Variants in PRKD1 observed in about 807,000 individuals in gnomAD.
PRKD1 encodes serine/threonine-protein kinase D1.
A neutral mutation model predicts 95.9 loss-of-function variants in PRKD1; 63 were observed. The observed-to-expected ratio is 0.66, with a 90% CI of 0.54 to 0.81. PRKD1 has a LOEUF of 0.81. Ranked by LOEUF, PRKD1 falls within the 30% of genes least tolerant of loss-of-function variation. The pLI is 0.00. For missense variants in PRKD1, 1,048 were observed against 1,165.3 expected, an observed-to-expected ratio of 0.90 and a Z score of 1.47; for synonymous variants, 425 against 423.1, an observed-to-expected ratio of 1.00 and a Z score of -0.05.
intron 1 of PRKD1, among the ~76,000 whole-genome samples, chr14:29,732,918 T>G (rs535426167): frequency 6.6e-6 from 1 of 151,656 alleles, no homozygotes; most frequent in East Asian, 1.9e-4. Context: ...GAAGTGTTTT[T>G]TTTTTTTTTC....
chr14:29,795,858 T>A (rs1334076074), intron 1 of PRKD1, among the ~76,000 whole-genome samples: 1 of 152,174 alleles, frequency 6.6e-6, no homozygotes, highest in East Asian at 1.9e-4. Flanking sequence ...GTTTAAGCAG[T>A]GCAGTTGACT....
At chr14:29,618,994 C>A (rs945085984) in intron 13 of PRKD1, among the ~76,000 whole-genome samples, 12 of 152,150 alleles carry the variant, frequency 7.9e-5, no homozygotes, top group Admixed American at 6.5e-4. Flanking sequence ...AGGGGGAGGG[C>A]AAAACTTGTT....
At chr14:29,877,418 T>C (rs1893340851) in intron 1 of PRKD1, among the ~76,000 whole-genome samples, 1 of 152,226 alleles carries the variant, frequency 6.6e-6, no homozygotes, top group Non-Finnish European at 1.5e-5. Context: ...ACTTTGCAAA[T>C]ATTCTCTCAT....
chr14:29,679,673 A>G (rs1311670470), intron 2 of PRKD1, among the ~76,000 whole-genome samples: 1 of 152,140 alleles, frequency 6.6e-6, no homozygotes, highest in Non-Finnish European at 1.5e-5. Flanking sequence ...AGGCAAAGAA[A>G]AGGGAGGGTA....
chr14:29,869,998 A>G (rs1158102453), intron 1 of PRKD1, among the ~76,000 whole-genome samples: 2 of 152,182 alleles, frequency 1.3e-5, no homozygotes, highest in East Asian at 1.9e-4. Flanking sequence ...CTCCTTCAAT[A>G]TGGTTAACTT....
At chr14:29,655,284 T>C (rs1301356192) in intron 4 of PRKD1, among the ~76,000 whole-genome samples, 1 of 152,178 alleles carries the variant, frequency 6.6e-6, no homozygotes, top group Non-Finnish European at 1.5e-5. Flanking sequence ...GTAGGACACT[T>C]TTTGAGTAAG....
intron 1 of PRKD1, among the ~76,000 whole-genome samples, chr14:29,746,531 T>TATAC (rs1887228479): frequency 6.7e-6 from 1 of 149,362 alleles, no homozygotes; most frequent in African/African-American, 2.5e-5. Context: ...TGTACATATA[T>TATAC]ACACACACAC....
chr14:29,899,440 A>G (rs544296861), intron 1 of PRKD1, among the ~76,000 whole-genome samples: 1 of 152,146 alleles, frequency 6.6e-6, no homozygotes, highest in African/African-American at 2.4e-5. Context: ...TAAGGCCCGG[A>G]GTTCAAGAAC....
intron 10 of PRKD1, 31 bp from the exon 11 acceptor site, chr14:29,629,124 A>G: frequency 6.3e-7 from 1 of 1,579,016 alleles, no homozygotes; most frequent in African/African-American, 1.4e-5. Flanking sequence ...ATATGCACAC[A>G]AAAAGTCAGT....
chr14:29,619,665 G>T (rs1195409636), intron 13 of PRKD1, among the ~76,000 whole-genome samples: 3 of 152,082 alleles, frequency 2.0e-5, no homozygotes, highest in Non-Finnish European at 4.4e-5. Context: ...ATGGAGAAGG[G>T]GGTTTGGACT....
chr14:29,914,235 T>C (rs181828693), intron 1 of PRKD1, among the ~76,000 whole-genome samples: 4 of 152,300 alleles, frequency 2.6e-5, no homozygotes, highest in Non-Finnish European at 2.9e-5. Context: ...ACAGACAATG[T>C]GAAAGGATGC....
intron 1 of PRKD1, among the ~76,000 whole-genome samples, chr14:29,809,263 C>A (rs1112596): frequency 0.24 from 36,396 of 152,146 alleles, 4,712 homozygotes; most frequent in African/African-American, 0.32. Flanking sequence ...ATTTAGCATA[C>A]ATCTTAAAGG....
intron 1 of PRKD1, among the ~76,000 whole-genome samples, chr14:29,886,616 A>G (rs1893715020): frequency 6.6e-6 from 1 of 152,250 alleles, no homozygotes; most frequent in Admixed American, 6.5e-5. Context: ...GTACTCAGCC[A>G]TGCAATGAAA....
chr14:29,676,067 A>G (rs933556021), intron 2 of PRKD1, among the ~76,000 whole-genome samples: 1 of 151,864 alleles, frequency 6.6e-6, no homozygotes, highest in African/African-American at 2.4e-5. Context: ...AACATGGCAT[A>G]TGTAACAAAC....
chr14:29,769,881 A>G (rs1888426245), intron 1 of PRKD1, among the ~76,000 whole-genome samples: 1 of 152,234 alleles, frequency 6.6e-6, no homozygotes, highest in Non-Finnish European at 1.5e-5. Context: ...TATACCTGCT[A>G]TGATCTAAAC....
At chr14:29,843,767 T>A (rs897835905) in intron 1 of PRKD1, among the ~76,000 whole-genome samples, 4 of 152,122 alleles carry the variant, frequency 2.6e-5, no homozygotes, top group Admixed American at 1.3e-4. Flanking sequence ...GACCTAATAA[T>A]AAATAAATGA....
chr14:29,724,814 TAAAA>T (rs917636801), intron 2 of PRKD1, among the ~76,000 whole-genome samples: 1 of 152,222 alleles, frequency 6.6e-6, no homozygotes, highest in Admixed American at 6.5e-5. Flanking sequence ...AAATAAACAA[TAAAA>T]ATTTGGATAC....
At chr14:29,772,475 G>A (rs896849375) in intron 1 of PRKD1, among the ~76,000 whole-genome samples, 3 of 152,154 alleles carry the variant, frequency 2.0e-5, no homozygotes, top group Non-Finnish European at 2.9e-5. Flanking sequence ...CAGTCACCCA[G>A]TCAAAGGTAT....
At position 29,927,438 on chromosome 14, in the gene PRKD1, G is replaced by C. The variant is rs1398351435; in HGVS notation, c.75C>G (p.Ala25=). The change falls in exon 1 of 18, where the codon GCC becomes GCG. Residue 25 remains alanine, a synonymous_variant. Transcript: ENST00000331968. ...CGGGCCCGGACCCTGGGACCAGTGC[G>C]GCGGCCGCTGCGGCAGCTGCCGCCG... The part of the protein sequence containing the change: ...PVAAAAAAAA[A]ALVPGSGPGP... 2 of 1,347,816 alleles carry C rather than the reference G, an allele frequency of 1.5e-6. No homozygotes were observed. The highest frequency in any genetic ancestry group is 1.9e-6 in the Non-Finnish European group (2 of 1,050,950). The allele number at this position is 1,347,816 out of a possible 1,614,324, so 83.5% of individuals were successfully genotyped here.
Sources: allele counts gnomAD v4.1 joint callset (sites outside exome capture counted in the v4.1 genomes callset), GRCh38; gene constraint gnomAD v4.1.1; transcripts MANE v1.5; gene names NCBI Gene and HGNC (gene_info 2026-07-23, HGNC 2026-07-21).